Variants in CTCFL observed in about 807,000 individuals in gnomAD.
CTCFL encodes CCCTC-binding factor like.
In CTCFL, 36 loss-of-function variants were observed where a neutral mutation model predicts 67.4. That is an observed-to-expected ratio of 0.53 (90% CI 0.41 to 0.71). The LOEUF is 0.71. Among genes scored for constraint, CTCFL ranks in the 30% least tolerant of loss-of-function variants. The pLI, the probability that CTCFL is intolerant of heterozygous loss-of-function variation, is 0.00. For missense variants in CTCFL, 786 were observed against 835.2 expected (o/e 0.94, Z 0.73); for synonymous variants, 324 against 302.3 (o/e 1.07, Z -0.75).
At chr20:57,499,770 A>G in intron 10 of CTCFL, 1 of 165,086 alleles carries the variant, frequency 6.1e-6, no homozygotes, top group South Asian at 1.8e-4. Context: ...GCACGTGCAG[A>G]GTTCACAACA....
At chr20:57,522,051 G>A (rs1487031113) in intron 3 of CTCFL, among the ~76,000 whole-genome samples, 1 of 152,204 alleles carries the variant, frequency 6.6e-6, no homozygotes, top group African/African-American at 2.4e-5. Context: ...AAATGAGCTA[G>A]AAATTGTAAA....
intron 3 of CTCFL, 59 bp downstream of exon 3, chr20:57,523,009 A>G (rs2069502591): frequency 7.3e-7 from 1 of 1,366,424 alleles, no homozygotes; most frequent in South Asian, 1.3e-5. Context: ...TCACCTGCCC[A>G]TAAAGAAAAA....
intron 9 of CTCFL, chr20:57,508,002 G>A (rs1270814800): frequency 9.6e-6 from 6 of 622,864 alleles, no homozygotes; most frequent in South Asian, 1.9e-5. Flanking sequence ...GAGTGCAGTG[G>A]TGCGATCGTG....
intron 8 of CTCFL, among the ~76,000 whole-genome samples, chr20:57,510,442 TAATA>T (rs1292527630): frequency 1.6e-4 from 24 of 152,380 alleles, no homozygotes; most frequent in African/African-American, 4.6e-4. Flanking sequence ...ATGTCTGTCT[TAATA>T]GATAAGGTTT....
In CTCFL at chr20:57,523,700, A is replaced by G; in HGVS notation, c.506T>C (p.Leu169Ser). Residue 169 changes from leucine (L) to serine (S), a missense_variant, in exon 2 of 11, where the codon TTA (leucine) becomes TCA (serine). By Grantham distance (145) the Leu-to-Ser change is moderately radical (BLOSUM62 -2). Coordinates refer to ENST00000243914, the MANE Select transcript of CTCFL (RefSeq NM_001386993.1). ...NVMVASEDSKLAVSLAETTGL... is the reference protein window; with the variant it reads ...NVMVASEDSKSAVSLAETTGL... ...AGTAGTTTCAGCCAGGCTCACCGCT[A>G]ACTTACTGTCTTCACTGGCCACCAT... 1 of 1,613,582 alleles carries G rather than the reference A, an allele frequency of 6.2e-7. No homozygotes were observed. The highest frequency in any genetic ancestry group is 8.5e-7 in the Non-Finnish European group (1 of 1,180,004).
chr20:57,519,653 G>C (rs773834370), intron 3 of CTCFL, among the ~76,000 whole-genome samples: 1 of 152,168 alleles, frequency 6.6e-6, no homozygotes, highest in Non-Finnish European at 1.5e-5. Flanking sequence ...AACAATGCTA[G>C]GGAGGAGATG....
intron 9 of CTCFL, among the ~76,000 whole-genome samples, chr20:57,505,128 A>G (rs569329861): frequency 1.3e-5 from 2 of 151,960 alleles, no homozygotes; most frequent in South Asian, 4.2e-4. Context: ...ACCTTTGATA[A>G]TCTTGTGCAA....
Position 57,498,079 on chromosome 20 carries a change from T to A in CTCFL, c.*471A>T, listed in dbSNP as rs904122773. The stretch of plus-strand genomic sequence containing the variant: ...CTTTAATGTTTAAAACCATATATTA[T>A]TAGAAATATCATGGGTGTATATAAT... On this transcript the variant is annotated 3_prime_UTR_variant, in exon 11 of 11. Coordinates refer to ENST00000243914, the MANE Select transcript of CTCFL (RefSeq NM_001386993.1). 1 of 915,128 alleles carries A rather than the reference T, an allele frequency of 1.1e-6. No homozygotes were observed. The highest frequency in any genetic ancestry group is 1.3e-6 in the Non-Finnish European group (1 of 765,928). The allele number at this position is 915,128 out of a possible 1,614,324, so 56.7% of individuals were successfully genotyped here.
intron 10 of CTCFL, among the ~76,000 whole-genome samples, chr20:57,501,617 C>G (rs2067921304): frequency 6.6e-6 from 1 of 152,202 alleles, no homozygotes. Flanking sequence ...TCTGATCTGC[C>G]CCTATGAGCA....
chr20:57,524,275 G>C, intron 1 of CTCFL, 59 bp from the exon 2 acceptor site: 1 of 1,534,376 alleles, frequency 6.5e-7, no homozygotes, highest in Non-Finnish European at 8.7e-7. Flanking sequence ...GTATGAGGAG[G>C]GATGCGGGGG....
At chr20:57,517,371 A>G (rs990893758) in intron 5 of CTCFL, among the ~76,000 whole-genome samples, 3 of 151,010 alleles carry the variant, frequency 2.0e-5, no homozygotes, top group Admixed American at 2.0e-4. Context: ...CTGCTTCCCA[A>G]GTTCAAGTGA....
At chr20:57,524,452 G>C (rs1262719676) in intron 1 of CTCFL, 8 of 1,337,808 alleles carry the variant, frequency 6.0e-6, no homozygotes, top group Non-Finnish European at 6.7e-6. Flanking sequence ...AGAACGAACA[G>C]GTTTGGGCCT....
chr20:57,522,765 G>C (rs1255023729), intron 3 of CTCFL, among the ~76,000 whole-genome samples: 1 of 152,088 alleles, frequency 6.6e-6, no homozygotes, highest in Non-Finnish European at 1.5e-5. Flanking sequence ...GTAATGACTT[G>C]TCCCCCATAT....
rs903005836 is a variant in CTCFL at position 57,515,946 on chromosome 20, C to A, written c.1060-112G>T. 2.3e-5 allele frequency: 28 copies of A among 1,214,120 alleles called. No individual in the cohort carries two copies. In the South Asian group the frequency reaches 4.0e-4, roughly 17 times the overall value. The allele number at this position is 1,214,120 out of a possible 1,614,324, so 75.2% of individuals were successfully genotyped here. On this transcript the variant is annotated intron_variant, in intron 5 of 10. Transcript: ENST00000243914. ...AATTAATCATATTTTAACATCAGAGCACCAGAGCATATTTCACTCACTGAA... is the reference window on the plus strand; with the variant it reads ...AATTAATCATATTTTAACATCAGAGAACCAGAGCATATTTCACTCACTGAA...
At chr20:57,500,066 G>A in intron 10 of CTCFL, 1 of 982,486 alleles carries the variant, frequency 1.0e-6, no homozygotes, top group Non-Finnish European at 1.2e-6. Context: ...GGATATTTTT[G>A]TCCATGCTTC....
chr20:57,522,257 G>A (rs1464717348), intron 3 of CTCFL, among the ~76,000 whole-genome samples: 2 of 152,156 alleles, frequency 1.3e-5, no homozygotes, highest in Admixed American at 6.5e-5. Context: ...CCAATCCCAG[G>A]CACCTGATGC....
chr20:57,498,471 G>A lies in CTCFL; in HGVS notation c.*79C>T, dbSNP rs2067760905. The A allele has an allele frequency of 2.0e-6, 3 of 1,537,774 alleles. No homozygotes were observed. In the Admixed American group the frequency reaches 5.7e-5, roughly 29 times the overall value. On this transcript the variant is annotated 3_prime_UTR_variant, in exon 11 of 11. Transcript: ENST00000243914. ...TCTCACTTATCCATCGTGTTGAGGAGCATTTCACACCTTAAATGCTAAAAA... is the reference window on the plus strand; with the variant it reads ...TCTCACTTATCCATCGTGTTGAGGAACATTTCACACCTTAAATGCTAAAAA...
chr20:57,496,447 C>T (rs73915845), downstream of CTCFL: 68 of 461,946 alleles, frequency 1.5e-4, no homozygotes, highest in African/African-American at 1.2e-3. Flanking sequence ...AGGACTAACA[C>T]AACATAAAAT....
In CTCFL at chr20:57,497,977, G is replaced by C; in HGVS notation, c.*573C>G. ...TTTTATAAGAGTAAAACATTTTTTG[G>C]TTGAATTTAGAACTAATTAAAAGCA... On this transcript the variant is annotated 3_prime_UTR_variant, in exon 11 of 11. Coordinates refer to ENST00000243914, the MANE Select transcript of CTCFL (RefSeq NM_001386993.1). 1.1e-6 allele frequency: 1 copy of C among 928,846 alleles called. No homozygotes were observed. Among genetic ancestry groups the C allele is most frequent in the Non-Finnish European group, 1.3e-6 (1 of 778,952 alleles). 57.5% of individuals were successfully genotyped at this position (928,846 alleles called of 1,614,324 possible). A position where few individuals can be genotyped will look rare whatever the true frequency, so the allele number is the denominator to read the frequency against.
Sources: gnomAD v4.1 joint callset for allele counts (sites outside exome capture counted in the v4.1 genomes callset) on GRCh38, gnomAD v4.1.1 for gene constraint, MANE v1.5 for transcripts, NCBI Gene and HGNC (gene_info 2026-07-23, HGNC 2026-07-21) for gene names.